The following ASS1 variants were observed in gnomAD, a reference collection of about 807,000 sequenced individuals.
ASS1 encodes argininosuccinate synthase.
A neutral mutation model predicts 60.5 loss-of-function variants in ASS1; 58 were observed. The observed-to-expected ratio is 0.96, with a 90% CI of 0.78 to 1.19. The LOEUF (loss-of-function observed/expected upper bound fraction) is 1.19, where lower values mean the gene tolerates loss of function less well. Among genes scored for constraint, ASS1 ranks in the 50% most tolerant of loss-of-function variants. ASS1 has a pLI of 0.00. For synonymous variants in ASS1, 200 were observed against 206.9 expected, an observed-to-expected ratio of 0.97 and a Z score of 0.29; for missense variants, 454 against 547.3, an observed-to-expected ratio of 0.83 and a Z score of 1.70.
At chr9:130,490,376 C>T (rs772329093) in intron 12 of ASS1, among the ~76,000 whole-genome samples, 40 of 152,088 alleles carry the variant, frequency 2.6e-4, no homozygotes, top group South Asian at 6.2e-4. Context: ...TGCAATGGTG[C>T]GATCTTGGCT....
Position 130,458,269 on chromosome 9 carries a change from CAGA to C in ASS1, c.175-123_175-121del, listed in dbSNP as rs564603037. 74 of 948,526 alleles carry C rather than the reference CAGA, an allele frequency of 7.8e-5. No homozygotes were observed. In the African/African-American group the frequency reaches 8.7e-4, roughly 11 times the overall value. The allele number at this position is 948,526 out of a possible 1,614,324, so 58.8% of individuals were successfully genotyped here. On this transcript the variant is annotated intron_variant, in intron 3 of 14. Transcript: ENST00000352480. ...TGATGAATGATGTCTACTACAGATGCAGAAGAAGAAGCACCAGGTACAGCGGGG... is the reference window on the plus strand; with the variant it reads ...TGATGAATGATGTCTACTACAGATGCAGAAGAAGCACCAGGTACAGCGGGG...
Position 130,494,491 on chromosome 9 carries a change from C to T in ASS1, c.971-376C>T, listed in dbSNP as rs1411680919. ...AGTCCTGTCTGAGGTCTTCTGCCTCCCCCGGAGATTAGAGCCTCCATTGGG... is the reference window on the plus strand; with the variant it reads ...AGTCCTGTCTGAGGTCTTCTGCCTCTCCCGGAGATTAGAGCCTCCATTGGG... On this transcript the variant is annotated intron_variant, in intron 12 of 14. Coordinates refer to ENST00000352480, the MANE Select transcript of ASS1 (RefSeq NM_054012.4). This position sits in a 1 kb window ranked among gnomAD's most constrained non-coding sequence, Gnocchi z 4.3. Among the ~76,000 whole-genome samples the T allele has an allele frequency of 6.6e-6, 1 of 152,144 alleles. No individual in the cohort carries two copies. Among genetic ancestry groups the T allele is most frequent in the African/African-American group, 2.4e-5 (1 of 41,462 alleles).
rs567604542 is a variant in ASS1, at chr9:130,474,464, C to T, written c.598-2407C>T. ...GAAAACAGTTGACAGTCGGGCCCAGCGCAGGTGGAGGTGGGAGAGAGCTGG... is the reference window on the plus strand; with the variant it reads ...GAAAACAGTTGACAGTCGGGCCCAGTGCAGGTGGAGGTGGGAGAGAGCTGG... On this transcript the variant is annotated intron_variant, in intron 8 of 14. Transcript: ENST00000352480. Among the ~76,000 whole-genome samples the T allele has an allele frequency of 4.6e-5, 7 of 152,284 alleles. No individual in the cohort carries two copies. In the East Asian group the frequency reaches 5.8e-4, roughly 13 times the overall value.
intron 11 of ASS1, among the ~76,000 whole-genome samples, chr9:130,487,642 T>C (rs188755619): frequency 3.4e-4 from 52 of 152,240 alleles, no homozygotes; most frequent in African/African-American, 1.2e-3. Flanking sequence ...ATGATTTTGA[T>C]GACTCGAGGG....
chr9:130,492,820 T>C (rs914192088), intron 12 of ASS1, among the ~76,000 whole-genome samples: 6 of 152,190 alleles, frequency 3.9e-5, no homozygotes, highest in African/African-American at 1.4e-4. Context: ...CCACCCACAG[T>C]GATCTGCAGG....
rs973048404 is a variant in ASS1, at chr9:130,476,419, C to T, written c.598-452C>T. 17 of 210,962 alleles carry T rather than the reference C, an allele frequency of 8.1e-5. No homozygotes were observed. Among genetic ancestry groups the T allele is most frequent in the East Asian group, 3.5e-4 (3 of 8,608 alleles). The allele number at this position is 210,962 out of a possible 1,614,324, so 13.1% of individuals were successfully genotyped here. ...GTATTAACCTTGGGGACCCTGGGGA[C>T]GGCTCGGCTTGCCAGAGCACCTGCT... On this transcript the variant is annotated intron_variant, in intron 8 of 14. Coordinates refer to ENST00000352480, the MANE Select transcript of ASS1 (RefSeq NM_054012.4). This position sits in a 1 kb window ranked among gnomAD's most constrained non-coding sequence, Gnocchi z 4.9.
chr9:130,462,145 C>A (rs1845611600), intron 4 of ASS1, among the ~76,000 whole-genome samples: 1 of 151,970 alleles, frequency 6.6e-6, no homozygotes, highest in African/African-American at 2.4e-5. Flanking sequence ...TTGCGGGGCT[C>A]CTCTCTCCCC....
In ASS1 at chr9:130,478,677, C is replaced by T. The variant is rs192381518; in HGVS notation, c.689-1039C>T. ...GGGCAGGCCCCATCTAAGGCCCCAG[C>T]GAAGGCCGATAATAGGACCGGGGAG... On this transcript the variant is annotated intron_variant, in intron 9 of 14. Transcript: ENST00000352480. This position sits in a 1 kb window ranked among gnomAD's most constrained non-coding sequence, Gnocchi z 4.7. Among the ~76,000 whole-genome samples the T allele has an allele frequency of 3.3e-5, 5 of 152,078 alleles. No individual in the cohort carries two copies. Among genetic ancestry groups the T allele is most frequent in the Admixed American group, 2.0e-4 (3 of 15,290 alleles).
chr9:130,476,544 G>A lies in ASS1; in HGVS notation c.598-327G>A, dbSNP rs568762478. The A allele has an allele frequency of 1.9e-4, 88 of 470,562 alleles. No individual in the cohort carries two copies. Among genetic ancestry groups the A allele is most frequent in the South Asian group, 1.7e-3 (80 of 46,394 alleles). 29.1% of individuals were successfully genotyped at this position (470,562 alleles called of 1,614,324 possible). Reference sequence around the variant, plus strand: ...GCCGCTCCTGGGAAGCCCTCGGAACGCCGCCTTGCTCCTCCAAAGTCACAC... The same window carrying A: ...GCCGCTCCTGGGAAGCCCTCGGAACACCGCCTTGCTCCTCCAAAGTCACAC... On this transcript the variant is annotated intron_variant, in intron 8 of 14. Coordinates refer to ENST00000352480, the MANE Select transcript of ASS1 (RefSeq NM_054012.4). This position sits in a 1 kb window ranked among gnomAD's most constrained non-coding sequence, Gnocchi z 4.9.
chr9:130,466,509 T>G, intron 5 of ASS1: 1 of 612,762 alleles, frequency 1.6e-6, no homozygotes, highest in Admixed American at 2.6e-5. Flanking sequence ...CATTCTGCCA[T>G]GGAGTGCAGG....
At chr9:130,448,765 C>T (rs942133398) in intron 1 of ASS1, among the ~76,000 whole-genome samples, 1 of 152,066 alleles carries the variant, frequency 6.6e-6, no homozygotes, top group Non-Finnish European at 1.5e-5. Flanking sequence ...GGTTTTGCCA[C>T]GTTGGCCAGG....
intron 1 of ASS1, among the ~76,000 whole-genome samples, chr9:130,447,028 G>T (rs768776052): frequency 6.6e-6 from 1 of 152,222 alleles, no homozygotes; most frequent in African/African-American, 2.4e-5. Context: ...AAGACAAACC[G>T]AGCTCAGCTG....
At chr9:130,448,422 G>GCACACACACACA (rs3085579) in intron 1 of ASS1, among the ~76,000 whole-genome samples, 51 of 143,380 alleles carry the variant, frequency 3.6e-4, no homozygotes, top group African/African-American at 1.3e-3. Flanking sequence ...GTGTGCGCGC[G>GCACACACACACA]CACACACACA....
rs572967781 is a variant in ASS1 at position 130,492,146 on chromosome 9, G to A, written c.970+2682G>A. Among the ~76,000 whole-genome samples, 13 of 152,298 alleles carry A rather than the reference G, an allele frequency of 8.5e-5. No individual in the cohort carries two copies. The South Asian group carries it at 2.7e-3, about 32-fold the overall frequency. ...TTATTCCAGTGCGTGAAATAACTGC[G>A]AGCGCCCGGCGTGGTTTCCCAGTGT... On this transcript the variant is annotated intron_variant, in intron 12 of 14. Transcript: ENST00000352480.
rs750732847 is a variant in ASS1 at position 130,480,381 on chromosome 9, A to C, written c.774-4A>C. On this transcript the variant is annotated splice_region_variant and splice_polypyrimidine_tract_variant and intron_variant, in intron 10 of 14. Transcript: ENST00000352480. ...CGAACCTAATGGACCAGTTCTTCCC[A>C]CAGGGGCAAGCATGGCGTGGGCCGT... The C allele has an allele frequency of 6.2e-7, 1 of 1,614,190 alleles. No individual in the cohort carries two copies. Among genetic ancestry groups the C allele is most frequent in the Admixed American group, 1.7e-5 (1 of 60,032 alleles).
At chr9:130,464,518 C>T (rs373801243) in intron 5 of ASS1, among the ~76,000 whole-genome samples, 12 of 152,156 alleles carry the variant, frequency 7.9e-5, no homozygotes, top group East Asian at 5.8e-4. Context: ...ACCCCAGGTG[C>T]GGGTGGGGAT....
chr9:130,450,740 C>T (rs1444685576), intron 1 of ASS1, among the ~76,000 whole-genome samples: 6 of 152,166 alleles, frequency 3.9e-5, no homozygotes, highest in South Asian at 2.1e-4. Context: ...TTCCTCTCCC[C>T]GAGCTTCCAG....
At chr9:130,475,741 GTT>G (rs35568745) in intron 8 of ASS1, among the ~76,000 whole-genome samples, 33 of 101,344 alleles carry the variant, frequency 3.3e-4, no homozygotes, top group South Asian at 3.5e-4. Context: ...TGTGCAAGGT[GTT>G]TTTTTTTTTT....
At chr9:130,492,243 C>A (rs7030804) in intron 12 of ASS1, among the ~76,000 whole-genome samples, 1 of 152,092 alleles carries the variant, frequency 6.6e-6, no homozygotes, top group Non-Finnish European at 1.5e-5. Flanking sequence ...CTTCCTTGAG[C>A]CTCAGTTTCC....
Sources: allele counts gnomAD v4.1 joint callset (sites outside exome capture counted in the v4.1 genomes callset), GRCh38; gene constraint gnomAD v4.1.1; non-coding constraint Gnocchi (gnomAD v3.1); transcripts MANE v1.5; gene names NCBI Gene and HGNC (gene_info 2026-07-23, HGNC 2026-07-21).